RCOR2: variants seen among roughly 807,000 people sequenced by gnomAD.
RCOR2 encodes REST corepressor 2.
In RCOR2, 19 loss-of-function variants were observed where a neutral mutation model predicts 58.9. The observed-to-expected ratio is 0.32, with a 90% CI of 0.23 to 0.47. RCOR2 has a LOEUF of 0.47. Among genes scored for constraint, RCOR2 ranks in the 20% least tolerant of loss-of-function variants. The pLI is 1.00. For missense variants in RCOR2, 590 were observed against 707.9 expected (o/e 0.83, Z 1.89); for synonymous variants, 286 against 278.7 (o/e 1.03, Z -0.26).
the RCOR2 span, among the ~76,000 whole-genome samples, chr11:63,926,546 A>T: frequency 1.4e-5 from 2 of 142,898 alleles, no homozygotes; most frequent in Admixed American, 7.2e-5. Flanking sequence ...TTCAGCAGTG[A>T]CGTGATCTCG....
At chr11:63,919,275 G>C (rs543691830), upstream of RCOR2, among the ~76,000 whole-genome samples, 246 of 152,090 alleles carry the variant, frequency 1.6e-3, no homozygotes, top group African/African-American at 5.6e-3. Context: ...AGGGGGAGGG[G>C]CAAGGCCCCA....
At position 63,912,358 on chromosome 11, in the gene RCOR2, C is replaced by T. The variant is rs1307018840; in HGVS notation, c.1204G>A (p.Glu402Lys). The T allele has an allele frequency of 1.9e-6, 3 of 1,613,812 alleles. No homozygotes were observed. Among genetic ancestry groups the T allele is most frequent in the East Asian group, 2.2e-5 (1 of 44,856 alleles). Residue 402 changes from glutamate (E) to lysine (K), a missense_variant, in exon 11 of 12, where the codon GAG becomes AAG. By Grantham distance (56) the Glu-to-Lys change is moderately conservative (BLOSUM62 1). This residue lies in a region of RCOR2 where 196 missense variants were observed against 210.7 expected (regional missense o/e 0.93). Coordinates refer to ENST00000301459, the MANE Select transcript of RCOR2 (RefSeq NM_173587.4). ...GGCAATGGAGCCCCTCTCCTAGCCTCCTCCATGGGGACTGGGGCTCCAGGG... is the reference window on the plus strand; with the variant it reads ...GGCAATGGAGCCCCTCTCCTAGCCTTCTCCATGGGGACTGGGGCTCCAGGG... ...GAPGAPVPME[E>K]ARRGAPLPAP...
chr11:63,924,652 T>C, the RCOR2 span, among the ~76,000 whole-genome samples: 1 of 152,128 alleles, frequency 6.6e-6, no homozygotes, highest in Admixed American at 6.6e-5. Flanking sequence ...GTCCCCCCAC[T>C]GGACTCTCTG....
At position 63,916,406 on chromosome 11, in the gene RCOR2, A is replaced by G. The variant is rs759616211; in HGVS notation, c.51T>C (p.Arg17=). 1.9e-6 allele frequency: 3 copies of G among 1,607,758 alleles called. No individual in the cohort carries two copies. The highest frequency in any genetic ancestry group is 2.2e-5 in the East Asian group (1 of 44,644). Reference sequence around the variant, plus strand: ...CGTTGGGCACCGTCTTGGCCCGGCTACGGGACAGGATCCCAGAGCCCGCGC... The same window carrying G: ...CGTTGGGCACCGTCTTGGCCCGGCTGCGGGACAGGATCCCAGAGCCCGCGC... The part of the protein sequence containing the change: ...KPSAGSGILS[R]SRAKTVPNGG... Residue 17 remains arginine (R), a synonymous_variant, in exon 1 of 12, where the codon CGT becomes CGC. Transcript: ENST00000301459.
At chr11:63,926,495 T>TG in the RCOR2 span, among the ~76,000 whole-genome samples, 1 of 150,428 alleles carries the variant, frequency 6.6e-6, no homozygotes, top group African/African-American at 2.5e-5. Flanking sequence ...CTCTCTTTTT[T>TG]TTTTTTTGTT....
intron 1 of RCOR2, 30 bp downstream of exon 1, chr11:63,916,300 G>A: frequency 6.3e-7 from 1 of 1,575,714 alleles, no homozygotes; most frequent in Non-Finnish European, 8.6e-7. Flanking sequence ...CCAGGCCGGC[G>A]CGCCTTTAAC....
intron 8 of RCOR2, 42 bp from the exon 9 acceptor site, chr11:63,912,989 C>CA: frequency 1.3e-6 from 2 of 1,563,396 alleles, no homozygotes; most frequent in Non-Finnish European, 1.7e-6. Context: ...ACTCCCATCT[C>CA]AGGCAGGCCA....
chr11:63,927,232 T>A, the RCOR2 span, among the ~76,000 whole-genome samples: 1 of 152,096 alleles, frequency 6.6e-6, no homozygotes, highest in Non-Finnish European at 1.5e-5. Context: ...TCATCACTTA[T>A]CACGATCTAA....
intron 1 of RCOR2, 100 bp from the exon 2 acceptor site, chr11:63,915,711 G>A: frequency 9.6e-7 from 1 of 1,046,118 alleles, no homozygotes; most frequent in Admixed American, 2.0e-5. Flanking sequence ...TCTCCTTCCT[G>A]ACCACCCAGG....
At chr11:63,924,803 C>T in the RCOR2 span, among the ~76,000 whole-genome samples, 2 of 151,738 alleles carry the variant, frequency 1.3e-5, no homozygotes, top group Non-Finnish European at 2.9e-5. Flanking sequence ...CCTGTCTCAG[C>T]CTCCTGAGTC....
At position 63,914,748 on chromosome 11, in the gene RCOR2, G is replaced by C; in HGVS notation, c.387C>G (p.Thr129=). ...CTACTGTCCACTCGTCAGGGAATGG[G>C]GTGAAGTTGGCCAGGTCGGCCAGCG... ...EKSLADLANF[T]PFPDEWTVED... The change falls in exon 5 of 12, where the codon ACC becomes ACG. Residue 129 remains threonine (T), a synonymous_variant. Coordinates refer to ENST00000301459, the MANE Select transcript of RCOR2 (RefSeq NM_173587.4). The C allele has an allele frequency of 6.2e-7, 1 of 1,613,468 alleles. No individual in the cohort carries two copies. The highest frequency in any genetic ancestry group is 8.5e-7 in the Non-Finnish European group (1 of 1,179,712).
At position 63,914,520 on chromosome 11, in the gene RCOR2, T is replaced by C; in HGVS notation, c.502A>G (p.Ser168Gly). 2 of 1,613,702 alleles carry C rather than the reference T, an allele frequency of 1.2e-6. No homozygotes were observed. Among genetic ancestry groups the C allele is most frequent in the Non-Finnish European group, 1.7e-6 (2 of 1,180,014 alleles). ...QQMLPDKLIP[S>G]LVKYYYSWKK... ...CAAGAGTAGTAGTATTTCACCAGGC[T>C]GGGAATCAACTTGTCAGGCAGCTGG... The change falls in exon 6 of 12, where the codon AGC becomes GGC. Residue 168 changes from serine to glycine, a missense_variant. Physicochemically the swap from Ser to Gly is moderately conservative, Grantham distance 56. Coordinates refer to ENST00000301459, the MANE Select transcript of RCOR2 (RefSeq NM_173587.4).
intron 1 of RCOR2, among the ~76,000 whole-genome samples, 182 bp from the exon 2 acceptor site, chr11:63,915,793 A>AGCCC (rs1941848669): frequency 6.6e-6 from 1 of 152,090 alleles, no homozygotes; most frequent in Non-Finnish European, 1.5e-5. Flanking sequence ...AAGGGACTGG[A>AGCCC]AGAGGAAAAG....
rs1941780222 is a variant in RCOR2, at chr11:63,912,341, A to G, written c.1221T>C (p.Ala407=). 3.1e-6 allele frequency: 5 copies of G among 1,613,126 alleles called. No homozygotes were observed. The South Asian group carries it at 4.4e-5, about 14-fold the overall frequency. The change falls in exon 11 of 12, where the codon GCT becomes GCC. Residue 407 remains alanine (A), a synonymous_variant. Coordinates refer to ENST00000301459, the MANE Select transcript of RCOR2 (RefSeq NM_173587.4). ...CCTCTAGGGCTGGGGCTGGCAATGG[A>G]GCCCCTCTCCTAGCCTCCTCCATGG... ...PVPMEEARRG[A]PLPAPALEED...
At chr11:63,915,740 G>T in intron 1 of RCOR2, 129 bp from the exon 2 acceptor site, 1 of 793,914 alleles carries the variant, frequency 1.3e-6, no homozygotes, top group Non-Finnish European at 2.1e-6. Flanking sequence ...CTTCCAGGAG[G>T]CTCACTTTTC....
intron 9 of RCOR2, 58 bp downstream of exon 9, chr11:63,912,812 C>T: frequency 6.2e-7 from 1 of 1,608,044 alleles, no homozygotes; most frequent in Non-Finnish European, 8.5e-7. Flanking sequence ...AGTACTCTTT[C>T]TGCTCTGCCT....
chr11:63,920,875 G>A (rs1209211970), upstream of RCOR2, among the ~76,000 whole-genome samples: 3 of 152,070 alleles, frequency 2.0e-5, no homozygotes, highest in Non-Finnish European at 4.4e-5. Context: ...GGCCTAGCCG[G>A]CACTCCTTCC....
Position 63,912,470 on chromosome 11 carries a change from G to C in RCOR2, c.1092C>G (p.Thr364=). 6.2e-7 allele frequency: 1 copy of C among 1,613,962 alleles called. No homozygotes were observed. Residue 364 remains threonine, a synonymous_variant, in exon 11 of 12, where the codon ACC becomes ACG. Transcript: ENST00000301459. ...IAEVIGNKTL[T]QVKTFFVSYR... ...AGCTCACAAAGAAAGTCTTCACCTGGGTCAGAGTCTTGTTCCCAATCACCT... is the reference window on the plus strand; with the variant it reads ...AGCTCACAAAGAAAGTCTTCACCTGCGTCAGAGTCTTGTTCCCAATCACCT...
At chr11:63,921,243 T>TG (rs753120099), upstream of RCOR2, among the ~76,000 whole-genome samples, 5 of 151,814 alleles carry the variant, frequency 3.3e-5, no homozygotes, top group African/African-American at 9.7e-5. Context: ...GGATTGGGGG[T>TG]GGGGGGCCTC....
Sources: gnomAD v4.1 joint callset for allele counts (sites outside exome capture counted in the v4.1 genomes callset) on GRCh38, gnomAD v4.1.1 for gene constraint, gnomAD v4.1.1 regional missense constraint, MANE v1.5 for transcripts, NCBI Gene and HGNC (gene_info 2026-07-23, HGNC 2026-07-21) for gene names.